RAB3GAP1: variants seen among roughly 807,000 people sequenced by gnomAD.
RAB3GAP1 encodes the protein RAB3 GTPase activating protein catalytic subunit 1, also known as rab3 GTPase-activating protein catalytic subunit.
RAB3GAP1 carries 86 observed loss-of-function variants against 130.7 expected under a neutral mutation model. The ratio of observed to expected loss-of-function variants is 0.66; its 90% CI spans 0.55 to 0.79. RAB3GAP1 has a LOEUF of 0.79. Among genes scored for constraint, RAB3GAP1 ranks in the 30% least tolerant of loss-of-function variants. RAB3GAP1 has a pLI of 0.00. For missense variants in RAB3GAP1, 1,029 were observed against 1,169.4 expected (o/e 0.88, Z 1.75); for synonymous variants, 367 against 401.7 (o/e 0.91, Z 1.03).
intron 9 of RAB3GAP1, among the ~76,000 whole-genome samples, chr2:135,125,738 A>C (rs1691330716): frequency 6.6e-6 from 1 of 152,216 alleles, no homozygotes; most frequent in Non-Finnish European, 1.5e-5. Flanking sequence ...AGATTTCATC[A>C]TGCTACTCAG....
intron 18 of RAB3GAP1, among the ~76,000 whole-genome samples, chr2:135,153,407 T>C (rs1692226785): frequency 6.6e-6 from 1 of 152,162 alleles, no homozygotes; most frequent in South Asian, 2.1e-4. Context: ...TTACATCGAG[T>C]TTTTATATCC....
intron 7 of RAB3GAP1, among the ~76,000 whole-genome samples, chr2:135,117,723 G>GCTT (rs1396450163): frequency 1.5e-4 from 4 of 26,038 alleles, no homozygotes; most frequent in African/African-American, 3.7e-4. Flanking sequence ...TTCTTCTTCT[G>GCTT]CTTCTTCTTC....
chr2:135,103,573 A>C (rs1167500799), intron 5 of RAB3GAP1, among the ~76,000 whole-genome samples: 1 of 152,178 alleles, frequency 6.6e-6, no homozygotes, highest in Non-Finnish European at 1.5e-5. Flanking sequence ...GAACTGTCAA[A>C]AAACAACCAT....
chr2:135,080,739 A>G (rs758768321), intron 3 of RAB3GAP1, among the ~76,000 whole-genome samples: 7 of 152,144 alleles, frequency 4.6e-5, no homozygotes, highest in Non-Finnish European at 7.4e-5. Context: ...CTCTGGTTGA[A>G]TTGTGGTTCT....
intron 19 of RAB3GAP1, among the ~76,000 whole-genome samples, chr2:135,155,306 AGAAAAGTGG>A (rs1232666456): frequency 1.3e-5 from 2 of 152,176 alleles, no homozygotes; most frequent in African/African-American, 4.8e-5. Context: ...AGGGCATTGA[AGAAAAGTGG>A]GAAAAGAGCC....
intron 3 of RAB3GAP1, among the ~76,000 whole-genome samples, chr2:135,089,498 T>C (rs1345735723): frequency 2.6e-5 from 4 of 152,216 alleles, no homozygotes; most frequent in African/African-American, 9.6e-5. Flanking sequence ...TTTCATAGTA[T>C]TGATTCTTTC....
At chr2:135,148,206 A>C (rs1312268560) in intron 17 of RAB3GAP1, among the ~76,000 whole-genome samples, 1 of 152,196 alleles carries the variant, frequency 6.6e-6, no homozygotes, top group African/African-American at 2.4e-5. Context: ...ACTTATATGA[A>C]ATGGTTGGAA....
downstream of RAB3GAP1, among the ~76,000 whole-genome samples, chr2:135,171,950 C>A (rs762869385): frequency 1.3e-5 from 2 of 151,904 alleles, no homozygotes; most frequent in Non-Finnish European, 2.9e-5. Context: ...GTACCCGGCA[C>A]GTGGGAAGCA....
intron 8 of RAB3GAP1, among the ~76,000 whole-genome samples, chr2:135,122,071 T>C (rs112143757): frequency 2.0e-4 from 31 of 152,016 alleles, no homozygotes; most frequent in African/African-American, 7.0e-4. Flanking sequence ...CCAGCCTGGG[T>C]GACAGAGTGA....
intron 17 of RAB3GAP1, among the ~76,000 whole-genome samples, chr2:135,147,549 G>A (rs959538161): frequency 2.0e-5 from 3 of 151,826 alleles, no homozygotes; most frequent in Admixed American, 6.6e-5. Flanking sequence ...TGGCATGTAA[G>A]TGTTCAGCAA....
At position 135,103,035 on chromosome 2, in the gene RAB3GAP1, A is replaced by ATTTT. The variant is rs539310402; in HGVS notation, c.362+9359_362+9362dup. ...AAAAAAAAAAAAAATCATTTTTGTGATTTTTTTTTTTTTTTTTTTTGAGAC... is the reference window on the plus strand; with the variant it reads ...AAAAAAAAAAAAAATCATTTTTGTGATTTTTTTTTTTTTTTTTTTTTTTTGAGAC... On this transcript the variant is annotated intron_variant, in intron 5 of 23. Transcript: ENST00000264158. 2.0e-3 allele frequency among the ~76,000 whole-genome samples: 179 copies of ATTTT among 90,862 alleles called. 28 individuals are homozygous for ATTTT. The highest frequency in any genetic ancestry group is 9.5e-3 in the African/African-American group (172 of 18,164). 59.6% of individuals were successfully genotyped at this position (90,862 alleles called of 152,430 possible). A position where few individuals can be genotyped will look rare whatever the true frequency, so the allele number is the denominator to read the frequency against.
intron 2 of RAB3GAP1, among the ~76,000 whole-genome samples, chr2:135,052,861 C>T (rs1258782067): frequency 1.3e-5 from 2 of 152,248 alleles, no homozygotes; most frequent in Admixed American, 1.3e-4. Flanking sequence ...AAGCAGTAAA[C>T]TTGGTAGGTT....
intron 17 of RAB3GAP1, among the ~76,000 whole-genome samples, chr2:135,141,836 A>C (rs949169762): frequency 4.6e-5 from 7 of 152,130 alleles, no homozygotes; most frequent in Non-Finnish European, 5.9e-5. Flanking sequence ...TGGCAGTGAT[A>C]TCTTTGATGT....
At chr2:135,052,403 C>A in intron 1 of RAB3GAP1, 27 bp from the exon 2 acceptor site, 1 of 1,614,126 alleles carries the variant, frequency 6.2e-7, no homozygotes, top group Non-Finnish European at 8.5e-7. Flanking sequence ...GGCTTAATTT[C>A]TTTTTCTCTC....
intron 13 of RAB3GAP1, among the ~76,000 whole-genome samples, chr2:135,132,080 A>G (rs932001573): frequency 6.6e-6 from 1 of 152,224 alleles, no homozygotes. Flanking sequence ...ATTGTGCCTT[A>G]TGGCACTTGG....
At chr2:135,079,966 A>G (rs1689743316) in intron 3 of RAB3GAP1, among the ~76,000 whole-genome samples, 1 of 152,000 alleles carries the variant, frequency 6.6e-6, no homozygotes, top group African/African-American at 2.4e-5. Flanking sequence ...AAATACAAAA[A>G]ATTAGCCGGG....
At chr2:135,130,973 A>T (rs953839370) in intron 13 of RAB3GAP1, among the ~76,000 whole-genome samples, 38 of 152,222 alleles carry the variant, frequency 2.5e-4, no homozygotes, top group Middle Eastern at 3.2e-3. Context: ...CTGTCTGGGC[A>T]GTGGGAATCA....
chr2:135,056,611 GT>G (rs1225816084), intron 2 of RAB3GAP1, among the ~76,000 whole-genome samples: 6 of 152,138 alleles, frequency 3.9e-5, no homozygotes, highest in Admixed American at 2.6e-4. Flanking sequence ...GTAACTTCCA[GT>G]TTTTTTAGCT....
chr2:135,135,820 A>G lies in RAB3GAP1; in HGVS notation c.1811A>G (p.Lys604Arg). 1 of 1,614,232 alleles carries G rather than the reference A, an allele frequency of 6.2e-7. No homozygotes were observed. The highest frequency in any genetic ancestry group is 8.5e-7 in the Non-Finnish European group (1 of 1,180,032). ...AAAGGAAATGGACAAGAGAGTGGCA[A>G]GAAAGGAGGACCTAAGGAGATGGCA... Reference protein sequence around the residue: ...ELKGNGQESGKKGGPKEMANL... With the variant: ...ELKGNGQESGRKGGPKEMANL... The change falls in exon 17 of 24, where the codon AAG becomes AGG. Residue 604 changes from lysine (K) to arginine (R), a missense_variant. Physicochemically the swap from Lys to Arg is conservative, Grantham distance 26 (BLOSUM62 2). Coordinates refer to ENST00000264158, the MANE Select transcript of RAB3GAP1 (RefSeq NM_012233.3).
Sources: allele counts gnomAD v4.1 joint callset (sites outside exome capture counted in the v4.1 genomes callset), GRCh38; gene constraint gnomAD v4.1.1; transcripts MANE v1.5; gene names NCBI Gene and HGNC (gene_info 2026-07-23, HGNC 2026-07-21).